TRIP12: variants seen among roughly 807,000 people sequenced by gnomAD.
TRIP12 encodes thyroid hormone receptor interactor 12, also known as E3 ubiquitin-protein ligase TRIP12.
In TRIP12, 25 loss-of-function variants were observed where a neutral mutation model predicts 244.2. The ratio of observed to expected loss-of-function variants is 0.10; its 90% CI spans 0.07 to 0.14. The LOEUF (loss-of-function observed/expected upper bound fraction) is 0.14. Among genes scored for constraint, TRIP12 ranks in the 10% least tolerant of loss-of-function variants. The probability of loss-of-function intolerance (pLI) is 1.00; values close to 1 mark genes in which losing one functional copy is unlikely to be tolerated. For synonymous variants in TRIP12, 905 were observed against 873.1 expected, an observed-to-expected ratio of 1.04 and a Z score of -0.64; for missense variants, 1,677 against 2,486.4, an observed-to-expected ratio of 0.67 and a Z score of 6.92.
At chr2:229,864,431 C>G (rs1407469794) in intron 2 of TRIP12, among the ~76,000 whole-genome samples, 1 of 152,118 alleles carries the variant, frequency 6.6e-6, no homozygotes, top group Non-Finnish European at 1.5e-5. Context: ...TTCCTGTTAT[C>G]TTCTTCCTTT....
chr2:229,780,642 G>A (rs2037824639), intron 34 of TRIP12, among the ~76,000 whole-genome samples: 1 of 152,100 alleles, frequency 6.6e-6, no homozygotes, highest in Admixed American at 6.6e-5. Flanking sequence ...TAGGAACACT[G>A]CTTCTCTGTT....
chr2:229,791,045 CA>C, intron 30 of TRIP12, 78 bp downstream of exon 30: 1 of 1,570,184 alleles, frequency 6.4e-7, no homozygotes. Flanking sequence ...CTACTAAATC[CA>C]AATCACTCTT....
chr2:229,774,387 CTCT>C (rs1395547731), intron 37 of TRIP12, 126 bp from the exon 38 acceptor site: 5 of 931,736 alleles, frequency 5.4e-6, no homozygotes, highest in African/African-American at 3.4e-5. Flanking sequence ...AACTCTTAGC[CTCT>C]TTATTTTTTT....
At chr2:229,822,331 T>G (rs1049606566) in intron 8 of TRIP12, among the ~76,000 whole-genome samples, 1 of 152,182 alleles carries the variant, frequency 6.6e-6, no homozygotes, top group Non-Finnish European at 1.5e-5. Flanking sequence ...ACTGCTCAAC[T>G]ATTCAAATCT....
chr2:229,850,866 C>A (rs1371702749), intron 4 of TRIP12, among the ~76,000 whole-genome samples: 1 of 152,254 alleles, frequency 6.6e-6, no homozygotes, highest in African/African-American at 2.4e-5. Flanking sequence ...CCCGGGCCAG[C>A]GGCTGCGGAG....
chr2:229,893,266 T>C (rs908344882), intron 1 of TRIP12, among the ~76,000 whole-genome samples: 1 of 152,248 alleles, frequency 6.6e-6, no homozygotes, highest in Admixed American at 6.5e-5. Flanking sequence ...TTATACTTTA[T>C]GTATCATAAA....
Position 229,809,345 on chromosome 2 carries a change from C to T in TRIP12, c.2222-976G>A, listed in dbSNP as rs555093880. 8.6e-5 allele frequency among the ~76,000 whole-genome samples: 13 copies of T among 151,778 alleles called. No homozygotes were observed. In the South Asian group the frequency reaches 2.7e-3, roughly 32 times the overall value. On this transcript the variant is annotated intron_variant, in intron 15 of 41. Coordinates refer to ENST00000675903, the MANE Select transcript of TRIP12 (RefSeq NM_001348323.3). ...TCAAGGGATGACAACAAAATAGAGACAGATAGAAGAGGCCTACATTTCCTT... is the reference window on the plus strand; with the variant it reads ...TCAAGGGATGACAACAAAATAGAGATAGATAGAAGAGGCCTACATTTCCTT...
chr2:229,845,288 C>A (rs1297380965), intron 4 of TRIP12, among the ~76,000 whole-genome samples: 1 of 152,152 alleles, frequency 6.6e-6, no homozygotes, highest in African/African-American at 2.4e-5. Context: ...CACCATTAAT[C>A]CCAAAATTCA....
Position 229,836,757 on chromosome 2 carries a change from C to A in TRIP12, c.1270+91G>T, listed in dbSNP as rs991567678. On this transcript the variant is annotated intron_variant, in intron 6 of 41. Coordinates refer to ENST00000675903, the MANE Select transcript of TRIP12 (RefSeq NM_001348323.3). ...AACAAAACAGAACAAGAAGTTTATA[C>A]GATAGTAACACCTAGCATACTTCCC... The A allele has an allele frequency of 2.2e-5, 31 of 1,381,542 alleles. No homozygotes were observed. In the African/African-American group the frequency reaches 4.4e-4, roughly 20 times the overall value. The allele number at this position is 1,381,542 out of a possible 1,614,324, so 85.6% of individuals were successfully genotyped here. A position where few individuals can be genotyped will look rare whatever the true frequency, so the allele number is the denominator to read the frequency against.
intron 1 of TRIP12, among the ~76,000 whole-genome samples, chr2:229,912,762 A>C (rs564000332): frequency 6.6e-6 from 1 of 152,358 alleles, no homozygotes; most frequent in African/African-American, 2.4e-5. Flanking sequence ...AACAAAGTAC[A>C]TTTCAAGATA....
chr2:229,893,493 A>T (rs952242959), intron 1 of TRIP12, among the ~76,000 whole-genome samples: 4 of 148,588 alleles, frequency 2.7e-5, no homozygotes, highest in African/African-American at 7.4e-5. Flanking sequence ...TACTGTTCTA[A>T]TTTTTTTTTT....
intron 2 of TRIP12, among the ~76,000 whole-genome samples, chr2:229,869,779 G>A (rs1004070278): frequency 3.3e-5 from 5 of 152,060 alleles, no homozygotes; most frequent in Admixed American, 2.6e-4. Flanking sequence ...GAACAACAGT[G>A]GAATAATCAA....
chr2:229,810,811 T>C (rs904523645), intron 15 of TRIP12, 69 bp downstream of exon 15: 2 of 1,502,074 alleles, frequency 1.3e-6, no homozygotes, highest in African/African-American at 2.8e-5. Flanking sequence ...GCTCGGCTTA[T>C]GTTGACTTTA....
intron 12 of TRIP12, 66 bp from the exon 13 acceptor site, chr2:229,814,097 C>A: frequency 6.6e-7 from 1 of 1,514,514 alleles, no homozygotes; most frequent in South Asian, 1.3e-5. Flanking sequence ...TAATTTAACT[C>A]ATAAAAAGTC....
In TRIP12 at chr2:229,879,997, T is replaced by C; in HGVS notation, c.83A>G (p.Asp28Gly). 3.7e-6 allele frequency: 6 copies of C among 1,614,044 alleles called. No homozygotes were observed. The highest frequency in any genetic ancestry group is 5.1e-6 in the Non-Finnish European group (6 of 1,179,992). Residue 28 changes from aspartate to glycine, a missense_variant, in exon 2 of 42, where the codon GAC becomes GGC. Physicochemically the swap from Asp to Gly is moderately conservative, Grantham distance 94. Around this residue, in one of 11 missense-constraint regions of TRIP12, gnomAD observed 387 missense variants for 392.6 expected, o/e 0.99. Coordinates refer to ENST00000675903, the MANE Select transcript of TRIP12 (RefSeq NM_001348323.3). ...RNTAGAQPQD[D>G]SIGGRSHLGQ... The stretch of plus-strand genomic sequence containing the variant: ...AAATACATACCTTCCTCCTATTGAG[T>C]CGTCTTGTGGTTGGGCCCCGGCAGT...
chr2:229,769,135 TTTG>T, intron 40 of TRIP12, 93 bp downstream of exon 40: 1 of 1,031,172 alleles, frequency 9.7e-7, no homozygotes, highest in Non-Finnish European at 1.4e-6. Context: ...CACTCCAACT[TTTG>T]TTGTTTACAC....
At chr2:229,823,101 G>A (rs576489865) in intron 8 of TRIP12, among the ~76,000 whole-genome samples, 1 of 152,250 alleles carries the variant, frequency 6.6e-6, no homozygotes, top group African/African-American at 2.4e-5. Flanking sequence ...AAATGTGTAT[G>A]ATCCTGATAC....
intron 23 of TRIP12, 68 bp from the exon 24 acceptor site, chr2:229,797,899 G>A: frequency 2.8e-6 from 4 of 1,448,724 alleles, no homozygotes; most frequent in South Asian, 2.7e-5. Context: ...TCTGATCAAG[G>A]CAAATAGCTG....
At chr2:229,806,028 A>G (rs2045794339) in intron 17 of TRIP12, 145 bp from the exon 18 acceptor site, 3 of 602,746 alleles carry the variant, frequency 5.0e-6, no homozygotes, top group Non-Finnish European at 8.0e-6. Context: ...ATGGAATAAT[A>G]GTGTAGATAT....
Sources: gnomAD v4.1 joint callset for allele counts (sites outside exome capture counted in the v4.1 genomes callset) on GRCh38, gnomAD v4.1.1 for gene constraint, gnomAD v4.1.1 regional missense constraint, MANE v1.5 for transcripts, NCBI Gene and HGNC (gene_info 2026-07-23, HGNC 2026-07-21) for gene names.